The following ADAMTS13 variants were observed in gnomAD, a reference collection of about 807,000 sequenced individuals.
ADAMTS13 encodes A disintegrin and metalloproteinase with thrombospondin motifs 13.
ADAMTS13 carries 110 observed loss-of-function variants against 155.1 expected under a neutral mutation model. The observed-to-expected ratio is 0.71, with a 90% CI of 0.61 to 0.83. The LOEUF is 0.83. Among genes scored for constraint, ADAMTS13 ranks in the 40% least tolerant of loss-of-function variants. ADAMTS13 has a pLI of 0.00. For synonymous variants in ADAMTS13, 758 were observed against 756.4 expected (o/e 1.00, Z -0.03); for missense variants, 1,707 against 1,891.7 (o/e 0.90, Z 1.81).
At position 133,455,492 on chromosome 9, in the gene ADAMTS13, A is replaced by G. The variant is rs150853306; in HGVS notation, c.3400+57A>G. The G allele has an allele frequency of 1.2e-6, 2 of 1,611,888 alleles. No individual in the cohort carries two copies. Among genetic ancestry groups the G allele is most frequent in the Non-Finnish European group, 8.5e-7 (1 of 1,179,894 alleles). ...CGCTGCTCCAGGACGGACCACAGCCACCCCTGCTGGTGCCTCCCTGGAGTG... is the reference window on the plus strand; with the variant it reads ...CGCTGCTCCAGGACGGACCACAGCCGCCCCTGCTGGTGCCTCCCTGGAGTG... On this transcript the variant is annotated intron_variant, in intron 25 of 28. Transcript: ENST00000355699.
At chr9:133,437,500 C>T (rs982161071) in intron 12 of ADAMTS13, among the ~76,000 whole-genome samples, 27 of 152,294 alleles carry the variant, frequency 1.8e-4, no homozygotes, top group African/African-American at 5.1e-4. Flanking sequence ...TCAGGTGATC[C>T]GCCTGCCTCG....
intron 19 of ADAMTS13, among the ~76,000 whole-genome samples, chr9:133,444,534 C>T (rs587702141): frequency 1.2e-4 from 18 of 152,256 alleles, no homozygotes; most frequent in South Asian, 4.1e-4. Context: ...CTCCAACTCC[C>T]GGGCTCAAGC....
upstream of ADAMTS13, chr9:133,417,726 C>G: frequency 6.2e-7 from 1 of 1,614,106 alleles, no homozygotes; most frequent in Non-Finnish European, 8.5e-7. Flanking sequence ...CCGCGCCTTG[C>G]TTTTCCAAAA....
chr9:133,454,001 C>G (rs1380902188), intron 23 of ADAMTS13, among the ~76,000 whole-genome samples: 1 of 152,130 alleles, frequency 6.6e-6, no homozygotes, highest in East Asian at 1.9e-4. Context: ...GATTACAGAT[C>G]AACATGGGCA....
intron 21 of ADAMTS13, 72 bp from the exon 22 acceptor site, chr9:133,448,527 C>T: frequency 1.3e-6 from 2 of 1,594,862 alleles, no homozygotes; most frequent in East Asian, 2.2e-5. Context: ...CTAGAGGTGT[C>T]CAGTGAGCCT....
At chr9:133,423,608 G>C (rs2130774459) in intron 2 of ADAMTS13, among the ~76,000 whole-genome samples, 1 of 152,354 alleles carries the variant, frequency 6.6e-6, no homozygotes, top group East Asian at 1.9e-4. Flanking sequence ...GCCCATGTCT[G>C]TGACCTTCTC....
intron 6 of ADAMTS13, 35 bp downstream of exon 6, chr9:133,426,380 C>G (rs782143700): frequency 1.5e-5 from 24 of 1,598,486 alleles, no homozygotes; most frequent in Non-Finnish European, 2.0e-5. Flanking sequence ...CAGGATCTGG[C>G]AAGGAGCTGA....
rs1338550562 is a variant in ADAMTS13, at chr9:133,454,481, G to A, written c.3111G>A (p.Val1037=). ...GCCTTGGCACTGCTAGACGCTCGGTGGCCTGTGTGCAGCTCGACCAAGGCC... is the reference window on the plus strand; with the variant it reads ...GCCTTGGCACTGCTAGACGCTCGGTAGCCTGTGTGCAGCTCGACCAAGGCC... ...SCGLGTARRS[V]ACVQLDQGQD... Residue 1037 remains valine, a synonymous_variant, in exon 24 of 29, where the codon GTG becomes GTA. Transcript: ENST00000355699. The A allele has an allele frequency of 8.7e-6, 14 of 1,613,182 alleles. No homozygotes were observed. Among genetic ancestry groups the A allele is most frequent in the Non-Finnish European group, 1.2e-5 (14 of 1,180,020 alleles).
chr9:133,424,745 A>G lies in ADAMTS13; in HGVS notation c.330+267A>G, dbSNP rs1554784781. Among the ~76,000 whole-genome samples, 1 of 152,084 alleles carries G rather than the reference A, an allele frequency of 6.6e-6. No homozygotes were observed. Among genetic ancestry groups the G allele is most frequent in the African/African-American group, 2.4e-5 (1 of 41,406 alleles). ...CACCCTCAAGCCTGGCCTCTTCCCCAGTATCCATTTGACCCCCACAAAGCT... is the reference window on the plus strand; with the variant it reads ...CACCCTCAAGCCTGGCCTCTTCCCCGGTATCCATTTGACCCCCACAAAGCT... On this transcript the variant is annotated intron_variant, in intron 3 of 28. Transcript: ENST00000355699. This position sits in a 1 kb window ranked among gnomAD's most constrained non-coding sequence, Gnocchi z 4.3.
chr9:133,432,787 C>G, intron 9 of ADAMTS13, 95 bp downstream of exon 9: 1 of 1,201,536 alleles, frequency 8.3e-7, no homozygotes, highest in Non-Finnish European at 1.2e-6. Flanking sequence ...GAGGCAGGAC[C>G]AGTATGGGGC....
chr9:133,458,907 C>T (rs913273243), intron 28 of ADAMTS13, 67 bp from the exon 29 acceptor site: 7 of 1,425,790 alleles, frequency 4.9e-6, no homozygotes, highest in Non-Finnish European at 3.9e-6. Flanking sequence ...CCCTTGCACA[C>T]GAAGGCTTCC....
chr9:133,431,831 T>C (rs986112029), intron 8 of ADAMTS13, among the ~76,000 whole-genome samples: 4 of 152,140 alleles, frequency 2.6e-5, no homozygotes, highest in African/African-American at 9.7e-5. Context: ...ATTTTTTGTA[T>C]TTTTAGTAGA....
At chr9:133,449,700 TG>T in intron 22 of ADAMTS13, 82 bp from the exon 23 acceptor site, 1 of 1,517,726 alleles carries the variant, frequency 6.6e-7, no homozygotes. Context: ...CTTCCTAGTC[TG>T]GGGAAATGAA....
At chr9:133,457,461 G>A (rs1842816975) in intron 27 of ADAMTS13, among the ~76,000 whole-genome samples, 2 of 152,182 alleles carry the variant, frequency 1.3e-5, no homozygotes, top group African/African-American at 4.8e-5. Context: ...CACTGTCACC[G>A]TTCACATTGC....
rs1050889755 is a variant in ADAMTS13, at chr9:133,424,631, G to T, written c.330+153G>T. On this transcript the variant is annotated intron_variant, in intron 3 of 28. Transcript: ENST00000355699. This position sits in a 1 kb window ranked among gnomAD's most constrained non-coding sequence, Gnocchi z 4.3. Reference sequence around the variant, plus strand: ...CTCTTCTCCCTCCCTCCCCTGGGTGGAGGTGGGTGAGGTCCCACACCCTCT... The same window carrying T: ...CTCTTCTCCCTCCCTCCCCTGGGTGTAGGTGGGTGAGGTCCCACACCCTCT... 1.8e-4 allele frequency among the ~76,000 whole-genome samples: 27 copies of T among 152,042 alleles called. No homozygotes were observed. Among genetic ancestry groups the T allele is most frequent in the South Asian group, 6.2e-4 (3 of 4,816 alleles).
chr9:133,454,745 G>C, intron 24 of ADAMTS13, 126 bp downstream of exon 24: 1 of 1,240,170 alleles, frequency 8.1e-7, no homozygotes, highest in South Asian at 1.4e-5. Context: ...AGAGAGCTGC[G>C]CCCGTTGGTG....
chr9:133,459,317 T>C lies in ADAMTS13; in HGVS notation c.*137T>C, dbSNP rs36223202. On this transcript the variant is annotated 3_prime_UTR_variant, in exon 29 of 29. Coordinates refer to ENST00000355699, the MANE Select transcript of ADAMTS13 (RefSeq NM_139027.6). ...CTCCAATGTCCAAAAGGCTAGGGGG[T>C]TGGAGGTGGGGACTCTGGAAAAGCA... is the stretch of plus-strand genomic sequence containing the variant. The C allele has an allele frequency of 8.1e-4, 759 of 934,034 alleles. 5 individuals carry two copies. In the African/African-American group the frequency reaches 0.01, roughly 13 times the overall value. 57.9% of individuals were successfully genotyped at this position (934,034 alleles called of 1,614,324 possible). A position where few individuals can be genotyped will look rare whatever the true frequency, so the allele number is the denominator to read the frequency against.
At chr9:133,420,434 G>A (rs1322660881), upstream of ADAMTS13, among the ~76,000 whole-genome samples, 2 of 152,220 alleles carry the variant, frequency 1.3e-5, no homozygotes, top group Admixed American at 1.3e-4. Context: ...CTGTACAAAG[G>A]TGCATTCCAG....
At position 133,449,262 on chromosome 9, in the gene ADAMTS13, C is replaced by T. The variant is rs181265706; in HGVS notation, c.2862-521C>T. On this transcript the variant is annotated intron_variant, in intron 22 of 28. Coordinates refer to ENST00000355699, the MANE Select transcript of ADAMTS13 (RefSeq NM_139027.6). ...TGCTCTTTATGGAGCACCTAGGCCC[C>T]GGGGCCGTCCTGGAGCTAGGGGACA... Among the ~76,000 whole-genome samples, 379 of 152,188 alleles carry T rather than the reference C, an allele frequency of 2.5e-3. 2 individuals are homozygous for T. Among genetic ancestry groups the T allele is most frequent in the African/African-American group, 8.6e-3 (359 of 41,510 alleles).
Sources: allele counts gnomAD v4.1 joint callset (sites outside exome capture counted in the v4.1 genomes callset), GRCh38; gene constraint gnomAD v4.1.1; non-coding constraint Gnocchi (gnomAD v3.1); transcripts MANE v1.5; gene names NCBI Gene and HGNC (gene_info 2026-07-23, HGNC 2026-07-21).